The following CEP250 variants were observed in gnomAD, a reference collection of about 807,000 sequenced individuals.
CEP250 encodes the protein centrosomal protein 250, also known as centrosome-associated protein CEP250.
CEP250 carries 242 observed loss-of-function variants against 315.7 expected under a neutral mutation model. The ratio of observed to expected loss-of-function variants is 0.77; its 90% confidence interval spans 0.69 to 0.85. The LOEUF (loss-of-function observed/expected upper bound fraction) is 0.85. Among genes scored for constraint, CEP250 ranks in the 40% least tolerant of loss-of-function variants. The probability of loss-of-function intolerance (pLI) is 0.00; values close to 1 mark genes in which losing one functional copy is unlikely to be tolerated. For synonymous variants in CEP250, 1,088 were observed against 1,175.0 expected (o/e 0.93, Z 1.51); for missense variants, 2,515 against 2,886.4 (o/e 0.87, Z 2.95).
At chr20:35,510,108 G>T in intron 34 of CEP250, 54 bp downstream of exon 34, 1 of 1,525,880 alleles carries the variant, frequency 6.6e-7, no homozygotes, top group Non-Finnish European at 9.1e-7. Flanking sequence ...CAGGCCCTTT[G>T]TGCACCTCCA....
In CEP250 at chr20:35,490,816, G is replaced by A. The variant is rs545697517; in HGVS notation, c.2754+12G>A. The A allele has an allele frequency of 6.2e-7, 1 of 1,611,188 alleles. No individual in the cohort carries two copies. The highest frequency in any genetic ancestry group is 1.3e-5 in the African/African-American group (1 of 74,950). ...GTGCCCTATGCCAGGTGGGAAGCTAGGAGGATTGGAGCTGCACGTCCAGTC... is the reference window on the plus strand; with the variant it reads ...GTGCCCTATGCCAGGTGGGAAGCTAAGAGGATTGGAGCTGCACGTCCAGTC... On this transcript the variant is annotated intron_variant, in intron 21 of 34. Coordinates refer to ENST00000397527, the MANE Select transcript of CEP250 (RefSeq NM_007186.6).
intron 9 of CEP250, 148 bp downstream of exon 9, chr20:35,467,703 T>C: frequency 3.3e-6 from 3 of 904,202 alleles, no homozygotes; most frequent in Non-Finnish European, 5.0e-6. Flanking sequence ...TGAAACCTGA[T>C]GCCACAGTTG....
At chr20:35,468,615 C>T (rs541952677) in intron 9 of CEP250, among the ~76,000 whole-genome samples, 1 of 152,070 alleles carries the variant, frequency 6.6e-6, no homozygotes, top group Non-Finnish European at 1.5e-5. Flanking sequence ...GCCATGTCTT[C>T]GTAAGTTTTT....
chr20:35,466,816 T>C, intron 7 of CEP250, 150 bp from the exon 8 acceptor site: 1 of 600,116 alleles, frequency 1.7e-6, no homozygotes, highest in Non-Finnish European at 3.0e-6. Flanking sequence ...ATTAAGCCCT[T>C]CACCATAACC....
intron 20 of CEP250, among the ~76,000 whole-genome samples, chr20:35,482,048 AATAGATAGATAGATAGATAG>A (rs35585772): frequency 2.0e-3 from 299 of 146,216 alleles, no homozygotes; most frequent in African/African-American, 6.7e-3. Context: ...AGGCTTAAAA[AATAGATAGATAGATAGATAG>A]ATAGATAGAT....
In CEP250 at chr20:35,511,351, C is replaced by CTTT; in HGVS notation, c.7066-12_7066-11insTTT. ...GCTGCTCTCGCTTTTTTTTTTTTTTCCTGCCCACCAGGTGGTCCTGCTGCA... is the reference window on the plus strand; with the variant it reads ...GCTGCTCTCGCTTTTTTTTTTTTTTCTTTCTGCCCACCAGGTGGTCCTGCTGCA... On this transcript the variant is annotated splice_polypyrimidine_tract_variant and intron_variant, in intron 34 of 34. Coordinates refer to ENST00000397527, the MANE Select transcript of CEP250 (RefSeq NM_007186.6). 1 of 1,519,138 alleles carries CTTT rather than the reference C, an allele frequency of 6.6e-7. No individual in the cohort carries two copies. Among genetic ancestry groups the CTTT allele is most frequent in the Non-Finnish European group, 8.8e-7 (1 of 1,131,142 alleles). The allele number at this position is 1,519,138 out of a possible 1,614,324, so 94.1% of individuals were successfully genotyped here. A position where few individuals can be genotyped will look rare whatever the true frequency, so the allele number is the denominator to read the frequency against.
intron 4 of CEP250, 138 bp downstream of exon 4, chr20:35,462,691 C>T: frequency 1.5e-6 from 1 of 652,106 alleles, no homozygotes; most frequent in South Asian, 2.0e-5. Flanking sequence ...AGACCCAGAC[C>T]TTCTAGCTTT....
At chr20:35,486,961 C>A (rs2063529898) in intron 20 of CEP250, among the ~76,000 whole-genome samples, 2 of 152,166 alleles carry the variant, frequency 1.3e-5, no homozygotes, top group African/African-American at 4.8e-5. Flanking sequence ...GCCTTGGTTT[C>A]CCTAAAAGGA....
At chr20:35,457,365 T>G (rs2062653594) in intron 1 of CEP250, among the ~76,000 whole-genome samples, 1 of 151,452 alleles carries the variant, frequency 6.6e-6, no homozygotes, top group Non-Finnish European at 1.5e-5. Flanking sequence ...TGTGGAGAGG[T>G]GATAGTATTT....
At chr20:35,464,037 C>T (rs1209576178) in intron 5 of CEP250, among the ~76,000 whole-genome samples, 4 of 152,184 alleles carry the variant, frequency 2.6e-5, no homozygotes, top group Non-Finnish European at 4.4e-5. Flanking sequence ...CCTCTCAGTA[C>T]CTCCTCACAT....
intron 29 of CEP250, 28 bp downstream of exon 29, chr20:35,501,994 G>A: frequency 6.2e-7 from 1 of 1,604,712 alleles, no homozygotes; most frequent in Non-Finnish European, 8.5e-7. Context: ...TCAGGGAGGG[G>A]TTTGCCTCAG....
chr20:35,480,548 T>G (rs2063317309), intron 20 of CEP250, among the ~76,000 whole-genome samples: 1 of 152,046 alleles, frequency 6.6e-6, no homozygotes, highest in Non-Finnish European at 1.5e-5. Flanking sequence ...GTATTTGGAT[T>G]TATTTGTGCC....
chr20:35,490,141 C>G (rs533618318), intron 20 of CEP250, among the ~76,000 whole-genome samples: 1 of 152,102 alleles, frequency 6.6e-6, no homozygotes, highest in Admixed American at 6.5e-5. Flanking sequence ...GTTGAAACCC[C>G]ATCTCTACTA....
chr20:35,479,409 A>G lies in CEP250; in HGVS notation c.2273A>G (p.Gln758Arg). The change falls in exon 18 of 35, where the codon CAA becomes CGA. Residue 758 changes from glutamine (Q) to arginine (R), a missense_variant. Physicochemically the swap from Gln to Arg is conservative, Grantham distance 43. Coordinates refer to ENST00000397527, the MANE Select transcript of CEP250 (RefSeq NM_007186.6). ...CGTGACCGGCAGGACCTCGCTGAACAACTACAGGGGCTCAGGTAGGGCCCA... is the reference window on the plus strand; with the variant it reads ...CGTGACCGGCAGGACCTCGCTGAACGACTACAGGGGCTCAGGTAGGGCCCA... The part of the protein sequence containing the change: ...VERDRQDLAE[Q>R]LQGLSSAKEL... The G allele has an allele frequency of 6.2e-7, 1 of 1,613,764 alleles. No homozygotes were observed. The highest frequency in any genetic ancestry group is 8.5e-7 in the Non-Finnish European group (1 of 1,179,846).
Position 35,504,401 on chromosome 20 carries a change from A to G in CEP250, c.6032A>G (p.His2011Arg). 6.2e-7 allele frequency: 1 copy of G among 1,605,244 alleles called. No homozygotes were observed. The highest frequency in any genetic ancestry group is 8.5e-7 in the Non-Finnish European group (1 of 1,175,890). Residue 2011 changes from histidine (H) to arginine (R), a missense_variant, in exon 30 of 35, where the codon CAC becomes CGC. Physicochemically the swap from His to Arg is conservative, Grantham distance 29. Transcript: ENST00000397527. ...LQASLDACQA[H>R]SRQLEEALRI... Reference sequence around the variant, plus strand: ...GCCTCCCTGGATGCCTGCCAGGCACACAGTCGGCAGCTGGAGGAGGCTCTG... The same window carrying G: ...GCCTCCCTGGATGCCTGCCAGGCACGCAGTCGGCAGCTGGAGGAGGCTCTG...
chr20:35,504,181 C>T lies in CEP250; in HGVS notation c.5812C>T (p.Arg1938Trp), dbSNP rs548722507. The T allele has an allele frequency of 1.6e-5, 26 of 1,613,682 alleles. No homozygotes were observed. Among genetic ancestry groups the T allele is most frequent in the Admixed American group, 1.0e-4 (6 of 59,986 alleles). Residue 1938 changes from arginine (R) to tryptophan (W), a missense_variant, in exon 30 of 35, where the codon CGG becomes TGG. By Grantham distance (101) the Arg-to-Trp change is moderately radical. Transcript: ENST00000397527. Reference sequence around the variant, plus strand: ...GCAGGCCCAGGCAGTGCTCAAGGAACGGGACCAGGAGCTGGAAGCTCTGCG... The same window carrying T: ...GCAGGCCCAGGCAGTGCTCAAGGAATGGGACCAGGAGCTGGAAGCTCTGCG... ...WLQAQAVLKERDQELEALRAE... is the reference protein window; with the variant it reads ...WLQAQAVLKEWDQELEALRAE...
chr20:35,477,939 GGTC>G lies in CEP250; in HGVS notation c.1934_1936del (p.Val645del). ...CAGAGCAGGCGAGAAATGCTTTGCA[GGTC>G]GACCTGGCGGAGGCAGAGAAGAGGA... is the stretch of plus-strand genomic sequence containing the variant. On this transcript the variant is annotated inframe_deletion, in exon 17 of 35. Transcript: ENST00000397527. 1 of 1,609,952 alleles carries G rather than the reference GGTC, an allele frequency of 6.2e-7. No homozygotes were observed. Among genetic ancestry groups the G allele is most frequent in the Non-Finnish European group, 8.5e-7 (1 of 1,178,384 alleles).
In CEP250 at chr20:35,462,479, T is replaced by G. The variant is rs776165342; in HGVS notation, c.112T>G (p.Ser38Ala). 4 of 1,609,224 alleles carry G rather than the reference T, an allele frequency of 2.5e-6. No homozygotes were observed. In the South Asian group the frequency reaches 4.4e-5, roughly 18 times the overall value. Residue 38 changes from serine (S) to alanine (A), a missense_variant, in exon 4 of 35, where the codon TCC (serine) becomes GCC (alanine). Ser to Ala is a moderately conservative substitution (Grantham distance 99). Coordinates refer to ENST00000397527, the MANE Select transcript of CEP250 (RefSeq NM_007186.6). ...GCAGATGGCAGAGAATCAGGCAGCC[T>G]CCTGGCGGAAGCTGAAGAACTCCCA... ...QQQMAENQAA[S>A]WRKLKNSQEA...
At position 35,473,465 on chromosome 20, in the gene CEP250, G is replaced by A; in HGVS notation, c.1301G>A (p.Arg434Lys). 1 of 1,614,222 alleles carries A rather than the reference G, an allele frequency of 6.2e-7. No individual in the cohort carries two copies. The highest frequency in any genetic ancestry group is 8.5e-7 in the Non-Finnish European group (1 of 1,180,048). ...TGGGAGGAAGAGGGCAAAGCCTTGAGACAGCGGCTGCAGAAGCTCACTGGG... is the reference window on the plus strand; with the variant it reads ...TGGGAGGAAGAGGGCAAAGCCTTGAAACAGCGGCTGCAGAAGCTCACTGGG... ...DQWEEEGKAL[R>K]QRLQKLTGER... is the part of the protein sequence containing the mutation. The change falls in exon 13 of 35, where the codon AGA (arginine) becomes AAA (lysine). Residue 434 changes from arginine to lysine, a missense_variant. Coordinates refer to ENST00000397527, the MANE Select transcript of CEP250 (RefSeq NM_007186.6).
Sources: allele counts gnomAD v4.1 joint callset (sites outside exome capture counted in the v4.1 genomes callset), GRCh38; gene constraint gnomAD v4.1.1; transcripts MANE v1.5; gene names NCBI Gene and HGNC (gene_info 2026-07-23, HGNC 2026-07-21).